GRID2: variants seen among roughly 807,000 people sequenced by gnomAD.
GRID2 encodes glutamate ionotropic receptor delta type subunit 2.
In GRID2, 33 loss-of-function variants were observed where a neutral mutation model predicts 114.8. The ratio of observed to expected loss-of-function variants is 0.29; its 90% CI spans 0.22 to 0.38. The LOEUF is 0.38. Ranked by LOEUF, GRID2 falls within the 10% of genes least tolerant of loss-of-function variation. The pLI is 1.00. For missense variants in GRID2, 1,184 were observed against 1,257.7 expected (o/e 0.94, Z 0.89); for synonymous variants, 505 against 449.9 (o/e 1.12, Z -1.55).
intron 1 of GRID2, among the ~76,000 whole-genome samples, chr4:92,513,782 A>T (rs566342338): frequency 1.3e-5 from 2 of 151,992 alleles, no homozygotes; most frequent in East Asian, 3.9e-4. Flanking sequence ...TTATTGAATG[A>T]GTTGAAGGGT....
intron 1 of GRID2, among the ~76,000 whole-genome samples, chr4:92,368,360 T>C (rs80017763): frequency 0.03 from 4,530 of 152,166 alleles, 222 homozygotes; most frequent in African/African-American, 0.1. Flanking sequence ...CCTGAGACTT[T>C]CCAAATATGA....
At chr4:93,493,611 T>G (rs1021048587) in intron 12 of GRID2, among the ~76,000 whole-genome samples, 2 of 151,540 alleles carry the variant, frequency 1.3e-5, no homozygotes, top group African/African-American at 4.8e-5. Context: ...TTCTCTGAGG[T>G]TGCAGACTTT....
At chr4:92,797,124 A>C (rs1010569327) in intron 2 of GRID2, among the ~76,000 whole-genome samples, 1 of 151,860 alleles carries the variant, frequency 6.6e-6, no homozygotes, top group African/African-American at 2.4e-5. Context: ...TTCTTGTAAT[A>C]TCTTGACTTT....
intron 2 of GRID2, among the ~76,000 whole-genome samples, chr4:92,770,720 T>A (rs765699713): frequency 1.8e-4 from 27 of 152,190 alleles, no homozygotes; most frequent in South Asian, 4.2e-4. Flanking sequence ...ATGAGACTCA[T>A]TCACTATCAC....
intron 8 of GRID2, among the ~76,000 whole-genome samples, chr4:93,296,827 T>C (rs936435899): frequency 1.3e-5 from 2 of 152,222 alleles, no homozygotes; most frequent in Non-Finnish European, 1.5e-5. Flanking sequence ...CAAGGGTAAG[T>C]CGTTGTTCTC....
intron 2 of GRID2, among the ~76,000 whole-genome samples, chr4:92,850,313 C>T (rs2149421614): frequency 6.6e-6 from 1 of 151,762 alleles, no homozygotes; most frequent in South Asian, 2.1e-4. Context: ...TGTTACACAC[C>T]TGAACAAATA....
chr4:93,531,319 A>G (rs1371628080), intron 13 of GRID2, among the ~76,000 whole-genome samples: 3 of 152,168 alleles, frequency 2.0e-5, no homozygotes, highest in Admixed American at 2.0e-4. Context: ...ATGGCTCCAC[A>G]TGGTACTGGC....
chr4:93,023,737 C>A (rs1013354128), intron 2 of GRID2, among the ~76,000 whole-genome samples: 1 of 151,564 alleles, frequency 6.6e-6, no homozygotes. Flanking sequence ...GCTAAAAACA[C>A]GTCGGAATAT....
At chr4:92,767,538 G>C (rs1738323757) in intron 2 of GRID2, among the ~76,000 whole-genome samples, 1 of 152,082 alleles carries the variant, frequency 6.6e-6, no homozygotes, top group Non-Finnish European at 1.5e-5. Context: ...ATCACTTGAG[G>C]TCAGGAGTTC....
intron 2 of GRID2, among the ~76,000 whole-genome samples, chr4:92,684,491 CTG>C (rs1224505978): frequency 6.6e-6 from 1 of 152,004 alleles, no homozygotes; most frequent in East Asian, 1.9e-4. Context: ...ATTTCTTGTT[CTG>C]TCTTTCCTAA....
At chr4:92,322,462 A>G (rs538679518) in intron 1 of GRID2, among the ~76,000 whole-genome samples, 4 of 152,248 alleles carry the variant, frequency 2.6e-5, no homozygotes, top group Non-Finnish European at 5.9e-5. Context: ...GCTTGAGGTG[A>G]TAGATATCCC....
intron 14 of GRID2, among the ~76,000 whole-genome samples, chr4:93,694,748 T>C (rs1042604823): frequency 9.2e-5 from 14 of 152,178 alleles, no homozygotes; most frequent in African/African-American, 3.4e-4. Context: ...ACTTCACTTA[T>C]CATATTTGAT....
At chr4:92,553,606 A>G (rs1238040686) in intron 1 of GRID2, among the ~76,000 whole-genome samples, 1 of 152,074 alleles carries the variant, frequency 6.6e-6, no homozygotes, top group African/African-American at 2.4e-5. Flanking sequence ...ACTTACATCT[A>G]TTATTAATGA....
At chr4:93,247,998 G>A (rs1037608222) in intron 8 of GRID2, among the ~76,000 whole-genome samples, 9 of 151,942 alleles carry the variant, frequency 5.9e-5, no homozygotes, top group Admixed American at 3.9e-4. Flanking sequence ...TGATACAGAG[G>A]AGGCAAAGTT....
intron 12 of GRID2, among the ~76,000 whole-genome samples, chr4:93,514,780 G>A (rs1360101883): frequency 6.6e-6 from 1 of 152,104 alleles, no homozygotes; most frequent in East Asian, 1.9e-4. Flanking sequence ...TGTTGTTTAT[G>A]TAAATTCTAT....
intron 2 of GRID2, among the ~76,000 whole-genome samples, chr4:92,734,756 T>C (rs1028814834): frequency 4.6e-5 from 7 of 151,872 alleles, no homozygotes; most frequent in Middle Eastern, 3.4e-3. Flanking sequence ...TTGATGGTTA[T>C]ATTTCTTTTT....
intron 14 of GRID2, among the ~76,000 whole-genome samples, chr4:93,730,344 T>C (rs1382969133): frequency 6.6e-6 from 1 of 152,180 alleles, no homozygotes; most frequent in African/African-American, 2.4e-5. Flanking sequence ...CTCAGATTGT[T>C]TTAGTCACAC....
intron 2 of GRID2, among the ~76,000 whole-genome samples, chr4:93,048,640 C>G (rs1259541671): frequency 1.3e-5 from 2 of 151,972 alleles, no homozygotes; most frequent in Non-Finnish European, 2.9e-5. Context: ...TTCCTGTCCA[C>G]TTATTATAAA....
chr4:92,401,417 T>A (rs1239833336), intron 1 of GRID2, among the ~76,000 whole-genome samples: 2 of 152,160 alleles, frequency 1.3e-5, no homozygotes, highest in East Asian at 3.9e-4. Flanking sequence ...TAATAATTTA[T>A]TTAGTTTTAA....
Sources: allele counts gnomAD v4.1 joint callset (sites outside exome capture counted in the v4.1 genomes callset), GRCh38; gene constraint gnomAD v4.1.1; transcripts MANE v1.5; gene names NCBI Gene and HGNC (gene_info 2026-07-23, HGNC 2026-07-21).